The following GTF3C2 variants were observed in gnomAD, a reference collection of about 807,000 sequenced individuals.
GTF3C2 encodes general transcription factor IIIC subunit 2.
In GTF3C2, 17 loss-of-function variants were observed where a neutral mutation model predicts 117.4. The observed-to-expected ratio is 0.14, with a 90% CI of 0.10 to 0.22. GTF3C2 has a LOEUF of 0.22. Among genes scored for constraint, GTF3C2 ranks in the 10% least tolerant of loss-of-function variants. The pLI is 1.00. For missense variants in GTF3C2, 888 were observed against 1,143.6 expected, an observed-to-expected ratio of 0.78 and a Z score of 3.22; for synonymous variants, 437 against 427.0, an observed-to-expected ratio of 1.02 and a Z score of -0.29.
In GTF3C2 at chr2:27,336,311, A is replaced by G. The variant is rs758835073; in HGVS notation, c.1242T>C (p.Tyr414=). 11 of 1,613,518 alleles carry G rather than the reference A, an allele frequency of 6.8e-6. No individual in the cohort carries two copies. In the Admixed American group the frequency reaches 1.7e-4, roughly 24 times the overall value. ...TGTCAGGGCTGGAGAAAAGAGCCAC[A>G]TATTGCGAGGCTCCTGCCCCCTCTG... The change falls in exon 8 of 19, where the codon TAT becomes TAC. Residue 414 remains tyrosine (Y), a synonymous_variant. Transcript: ENST00000264720.
chr2:27,356,364 T>C (rs6760828), intron 1 of GTF3C2: 135,927 of 318,462 alleles, frequency 0.43, 31,529 homozygotes, highest in African/African-American at 0.65. Flanking sequence ...GGCGTGAAGG[T>C]AGATTTCTCC....
rs893449995 is a variant in GTF3C2 at position 27,329,772 on chromosome 2, T to C, written c.1733-249A>G. Among the ~76,000 whole-genome samples the C allele has an allele frequency of 8.5e-5, 13 of 152,148 alleles. No homozygotes were observed. The highest frequency in any genetic ancestry group is 2.7e-4 in the African/African-American group (11 of 41,428). On this transcript the variant is annotated intron_variant, in intron 12 of 18. Coordinates refer to ENST00000264720, the Ensembl canonical transcript of GTF3C2. The surrounding 1 kb of genome is among the most constrained non-coding windows in gnomAD (Gnocchi z 4.5). ...TCTGGAATCTACAGTTGAAAAATGA[T>C]AGGGTGAACACACCTAGTGCAGAGA...
At chr2:27,338,818 G>A (rs1371441889) in intron 4 of GTF3C2, among the ~76,000 whole-genome samples, 4 of 151,714 alleles carry the variant, frequency 2.6e-5, no homozygotes, top group African/African-American at 9.7e-5. Context: ...GATTACAGGT[G>A]TGAGCCACCA....
intron 1 of GTF3C2, among the ~76,000 whole-genome samples, chr2:27,353,443 G>C (rs1465777295): frequency 6.6e-6 from 1 of 150,606 alleles, no homozygotes; most frequent in Non-Finnish European, 1.5e-5. Context: ...TTAGTTTTTT[G>C]TTTTTGTTTT....
rs1372465154 is a variant in GTF3C2 at position 27,329,396 on chromosome 2, T to C, written c.1860A>G (p.Gln620=). ...TTCCATACCTGTTAGCTTTGCACCA[T>C]TGAAGGGTACGCACAGCCTGGTCAT... The change falls in exon 13 of 19, where the codon CAA becomes CAG. Residue 620 remains glutamine (Q), a synonymous_variant. Coordinates refer to ENST00000264720, the Ensembl canonical transcript of GTF3C2. The surrounding 1 kb of genome is among the most constrained non-coding windows in gnomAD (Gnocchi z 4.5). 3.1e-6 allele frequency: 5 copies of C among 1,614,024 alleles called. No individual in the cohort carries two copies. Among genetic ancestry groups the C allele is most frequent in the African/African-American group, 2.7e-5 (2 of 74,914 alleles).
At chr2:27,349,376 T>C (rs974477222) in intron 1 of GTF3C2, among the ~76,000 whole-genome samples, 1 of 149,518 alleles carries the variant, frequency 6.7e-6, no homozygotes, top group African/African-American at 2.5e-5. Flanking sequence ...CTCGATCTCC[T>C]GACCTCGTGA....
intron 1 of GTF3C2, among the ~76,000 whole-genome samples, chr2:27,354,616 G>A (rs1483001237): frequency 2.0e-5 from 3 of 152,092 alleles, no homozygotes; most frequent in African/African-American, 7.2e-5. Context: ...TTAGCCCGGC[G>A]TGGTGGCAGG....
At position 27,327,264 on chromosome 2, in the gene GTF3C2, G is replaced by C. The variant is rs764913410; in HGVS notation, c.2430C>G (p.Leu810=). ...GCATGCGCAGCATTGGTTCTCTACG[G>C]AGCAGATCATGGAATGAACCCTGGG... is the stretch of plus-strand genomic sequence containing the variant. Residue 810 remains leucine (L), a synonymous_variant, in exon 18 of 19, where the codon CTC becomes CTG. Transcript: ENST00000264720. 1.3e-5 allele frequency: 21 copies of C among 1,598,964 alleles called. No individual in the cohort carries two copies. In the East Asian group the frequency reaches 4.7e-4, roughly 36 times the overall value.
chr2:27,342,267 CAT>C (rs1558619776), intron 3 of GTF3C2, 34 bp from the exon 4 acceptor site: 3 of 1,561,596 alleles, frequency 1.9e-6, no homozygotes, highest in Non-Finnish European at 2.6e-6. Context: ...GCCATTCTCA[CAT>C]ATGACTGAGA....
chr2:27,326,211 T>C (rs760410910), exon 19 of GTF3C2: 9 of 472,380 alleles, frequency 1.9e-5, no homozygotes, highest in Admixed American at 1.4e-4. Context: ...GCATACATGA[T>C]GGTTACCCTA....
intron 12 of GTF3C2, among the ~76,000 whole-genome samples, chr2:27,330,705 A>C (rs1233922252): frequency 6.6e-6 from 1 of 152,154 alleles, no homozygotes; most frequent in Non-Finnish European, 1.5e-5. Flanking sequence ...TCATGCCTGT[A>C]ATCTCAGCAC....
chr2:27,337,506 A>G lies in GTF3C2; in HGVS notation c.1003T>C (p.Trp335Arg), dbSNP rs764668680. 5 of 1,611,754 alleles carry G rather than the reference A, an allele frequency of 3.1e-6. No individual in the cohort carries two copies. The South Asian group carries it at 4.4e-5, about 14-fold the overall frequency. The stretch of plus-strand genomic sequence containing the variant: ...AGCTCAGATAACAAGTGCCACTTCC[A>G]GGCTAAAGGAATCCACTCAGCAAAC... Residue 335 changes from tryptophan to arginine, a missense_variant, in exon 6 of 19, where the codon TGG becomes CGG. Physicochemically the swap from Trp to Arg is moderately radical, Grantham distance 101. Transcript: ENST00000264720.
intron 1 of GTF3C2, among the ~76,000 whole-genome samples, chr2:27,346,552 A>G (rs958482163): frequency 6.7e-6 from 1 of 149,762 alleles, no homozygotes; most frequent in Non-Finnish European, 1.5e-5. Context: ...AAGTTTCACC[A>G]TGTTGCCCAG....
At chr2:27,343,555 C>A in exon 2 of GTF3C2, 2 of 1,613,790 alleles carry the variant, frequency 1.2e-6, no homozygotes, top group South Asian at 1.1e-5. Context: ...AGGTATCCAT[C>A]AGCACCCCCC....
At chr2:27,334,945 C>A (rs1185002251) in intron 10 of GTF3C2, among the ~76,000 whole-genome samples, 1 of 152,168 alleles carries the variant, frequency 6.6e-6, no homozygotes, top group African/African-American at 2.4e-5. Context: ...TGCCCAGCCC[C>A]ACAGCCAAAC....
In GTF3C2 at chr2:27,336,236, G is replaced by A. The variant is rs749081005; in HGVS notation, c.1317C>T (p.Leu439=). 3 of 1,613,876 alleles carry A rather than the reference G, an allele frequency of 1.9e-6. No individual in the cohort carries two copies. In the Admixed American group the frequency reaches 5.0e-5, roughly 27 times the overall value. Residue 439 remains leucine, a synonymous_variant, in exon 8 of 19, where the codon CTC becomes CTT. Transcript: ENST00000264720. Reference sequence around the variant, plus strand: ...GCAAGGTCCCAAGGCCCCAGAGCTGGAGCAGCCCAGGACCCGAATGAAGCT... The same window carrying A: ...GCAAGGTCCCAAGGCCCCAGAGCTGAAGCAGCCCAGGACCCGAATGAAGCT...
chr2:27,337,864 A>C, intron 5 of GTF3C2, 62 bp downstream of exon 5: 1 of 948,066 alleles, frequency 1.1e-6, no homozygotes, highest in Non-Finnish European at 1.7e-6. Context: ...CCACTTCAAT[A>C]CCGCCCTTGC....
rs750901561 is a variant in GTF3C2 at position 27,329,203 on chromosome 2, T to G, written c.1957A>C (p.Ile653Leu). ...AGTTCTGTACTCAAGAAGCGCTTGA[T>G]AGAGTTTATGGGTTCGTAAGGACGT... The change falls in exon 14 of 19, where the codon ATC (isoleucine) becomes CTC (leucine). Residue 653 changes from isoleucine to leucine, a missense_variant. By Grantham distance (5) the Ile-to-Leu change is conservative (BLOSUM62 2). Around this residue, in one of 7 missense-constraint regions of GTF3C2, gnomAD observed 277 missense variants for 445.4 expected, o/e 0.62. Transcript: ENST00000264720. This position sits in a 1 kb window ranked among gnomAD's most constrained non-coding sequence, Gnocchi z 4.5. 6.2e-7 allele frequency: 1 copy of G among 1,614,066 alleles called. No homozygotes were observed. The highest frequency in any genetic ancestry group is 1.1e-5 in the South Asian group (1 of 91,070).
intron 10 of GTF3C2, among the ~76,000 whole-genome samples, 177 bp from the exon 11 acceptor site, chr2:27,334,176 C>G (rs1680372867): frequency 6.6e-6 from 1 of 152,026 alleles, no homozygotes; most frequent in South Asian, 2.1e-4. Context: ...TAAGTGTGAG[C>G]CACCATGCCT....
Sources: allele counts gnomAD v4.1 joint callset (sites outside exome capture counted in the v4.1 genomes callset), GRCh38; gene constraint gnomAD v4.1.1; regional missense constraint gnomAD v4.1.1; non-coding constraint Gnocchi (gnomAD v3.1); transcripts MANE v1.5; gene names NCBI Gene and HGNC (gene_info 2026-07-23, HGNC 2026-07-21).